Variants in TIMMDC1 observed in about 807,000 individuals in gnomAD.
TIMMDC1 encodes complex I assembly factor TIMMDC1, mitochondrial.
TIMMDC1 carries 25 observed loss-of-function variants against 32.6 expected under a neutral mutation model. The ratio of observed to expected loss-of-function variants is 0.77; its 90% confidence interval spans 0.56 to 1.07. The LOEUF is 1.07. TIMMDC1 is among the 50% of genes least tolerant of loss of function. TIMMDC1 has a pLI of 0.00. For synonymous variants in TIMMDC1, 130 were observed against 127.6 expected (o/e 1.02, Z -0.13); for missense variants, 329 against 349.2 (o/e 0.94, Z 0.46).
intron 6 of TIMMDC1, 63 bp downstream of exon 6, chr3:119,517,378 C>T (rs1410546277): frequency 9.5e-7 from 1 of 1,048,184 alleles, no homozygotes; most frequent in South Asian, 1.3e-5. Context: ...TATAGTGGTG[C>T]TCTTTTAAAC....
intron 4 of TIMMDC1, among the ~76,000 whole-genome samples, chr3:119,513,276 T>C (rs1365293755): frequency 1.3e-5 from 2 of 152,082 alleles, no homozygotes; most frequent in African/African-American, 4.8e-5. Flanking sequence ...AGGCATAAAC[T>C]GGAGGGGCTA....
chr3:119,506,643 C>T (rs971287853), intron 4 of TIMMDC1, among the ~76,000 whole-genome samples: 1 of 152,028 alleles, frequency 6.6e-6, no homozygotes, highest in South Asian at 2.1e-4. Context: ...TTTTTTCCCA[C>T]TGCTACTATC....
chr3:119,521,320 C>T (rs759520043), intron 6 of TIMMDC1, among the ~76,000 whole-genome samples: 2 of 152,024 alleles, frequency 1.3e-5, no homozygotes, highest in African/African-American at 4.8e-5. Context: ...TTTGGGAGGC[C>T]GAGGCAGGCG....
rs77894689 is a variant in TIMMDC1, at chr3:119,499,905, T to A, written c.195-790T>A. Among the ~76,000 whole-genome samples, 791 of 152,348 alleles carry A rather than the reference T, an allele frequency of 5.2e-3. 7 individuals are homozygous for A. Among genetic ancestry groups the A allele is most frequent in the African/African-American group, 0.018 (761 of 41,584 alleles). ...TTTTAGATTGGCATGTGCCACCCAC[T>A]GCATAGTGAACTTTCCCAGTGCGTT... On this transcript the variant is annotated intron_variant, in intron 1 of 6. Transcript: ENST00000494664.
At position 119,503,289 on chromosome 3, in the gene TIMMDC1, C is replaced by G. The variant is rs913313817; in HGVS notation, c.361-243C>G. 5.3e-5 allele frequency among the ~76,000 whole-genome samples: 8 copies of G among 152,316 alleles called. No individual in the cohort carries two copies. The East Asian group carries it at 1.3e-3, about 26-fold the overall frequency. ...TAAATCCAAGTATCAGATAAGGGAT[C>G]TGGTCTCAAGTATCAGATAAGGGAT... On this transcript the variant is annotated intron_variant, in intron 2 of 6. Coordinates refer to ENST00000494664, the MANE Select transcript of TIMMDC1 (RefSeq NM_016589.4).
rs185858824 is a variant in TIMMDC1, at chr3:119,512,096, A to T, written c.518-1545A>T. Among the ~76,000 whole-genome samples the T allele has an allele frequency of 7.9e-4, 121 of 152,264 alleles. 1 individual carries two copies. Among genetic ancestry groups the T allele is most frequent in the Admixed American group, 3.9e-3 (60 of 15,298 alleles). ...GTATAAAAAGATTATTTGTGGAGGGATTATCATCATACCTTTATTTAAAAT... is the reference window on the plus strand; with the variant it reads ...GTATAAAAAGATTATTTGTGGAGGGTTTATCATCATACCTTTATTTAAAAT... On this transcript the variant is annotated intron_variant, in intron 4 of 6. Transcript: ENST00000494664.
chr3:119,498,770 T>C lies in TIMMDC1; in HGVS notation c.37T>C (p.Cys13Arg), dbSNP rs1241108780. The C allele has an allele frequency of 6.2e-7, 1 of 1,614,254 alleles. No homozygotes were observed. Among genetic ancestry groups the C allele is most frequent in the Non-Finnish European group, 8.5e-7 (1 of 1,180,030 alleles). The change falls in exon 1 of 7, where the codon TGT becomes CGT. Residue 13 changes from cysteine (C) to arginine (R), a missense_variant. By Grantham distance (180) the Cys-to-Arg change is radical. Coordinates refer to ENST00000494664, the MANE Select transcript of TIMMDC1 (RefSeq NM_016589.4). ...GCCACCGGCACCGCGGAGCTTTCTC[T>C]GTAGAGCATTGTGCCTATTTCCCCG... ...VPPPAPRSFL[C>R]RALCLFPRVF...
chr3:119,513,596 T>C (rs1200119042), intron 4 of TIMMDC1, 45 bp from the exon 5 acceptor site: 3 of 1,423,192 alleles, frequency 2.1e-6, no homozygotes, highest in Admixed American at 3.4e-5. Context: ...AATAGGATTC[T>C]AGTTTTAAAG....
chr3:119,502,310 A>G (rs2081883232), intron 2 of TIMMDC1, among the ~76,000 whole-genome samples: 1 of 151,648 alleles, frequency 6.6e-6, no homozygotes, highest in South Asian at 2.1e-4. Context: ...GCTTGCTGCA[A>G]CCTCCATTTC....
chr3:119,510,865 T>C (rs551519714), intron 4 of TIMMDC1, among the ~76,000 whole-genome samples: 2 of 152,348 alleles, frequency 1.3e-5, no homozygotes, highest in East Asian at 3.9e-4. Flanking sequence ...CATATACAAG[T>C]TGACCTTTGG....
At chr3:119,499,348 C>T (rs2081851291) in intron 1 of TIMMDC1, among the ~76,000 whole-genome samples, 1 of 151,846 alleles carries the variant, frequency 6.6e-6, no homozygotes, top group South Asian at 2.1e-4. Flanking sequence ...GATCCGCCTA[C>T]CTCGGCCTCC....
chr3:119,502,478 C>T (rs545964570), intron 2 of TIMMDC1, among the ~76,000 whole-genome samples: 1 of 152,076 alleles, frequency 6.6e-6, no homozygotes, highest in East Asian at 1.9e-4. Context: ...AGTTCACCCC[C>T]TCCTTGGCCT....
Position 119,523,725 on chromosome 3 carries a change from CT to C in TIMMDC1, c.829del (p.Ser277GlnfsTer2), listed in dbSNP as rs1426880793. ...GCACTGCTAAACCTTCCTAGAAACCCTTCAGTAATAGATAAACAAGACAAGG... is the reference window on the plus strand; with the variant it reads ...GCACTGCTAAACCTTCCTAGAAACCCTCAGTAATAGATAAACAAGACAAGG... ...IEALLNLPRNPSVIDKQDKD is the reference protein window; with the variant it reads ...IEALLNLPRNXSVIDKQDKD On this transcript the variant is annotated frameshift_variant, in exon 7 of 7. Transcript: ENST00000494664. LOFTEE classifies it high-confidence loss of function. 4.3e-6 allele frequency: 7 copies of C among 1,611,098 alleles called. No individual in the cohort carries two copies. The highest frequency in any genetic ancestry group is 5.9e-6 in the Non-Finnish European group (7 of 1,178,922).
intron 6 of TIMMDC1, among the ~76,000 whole-genome samples, chr3:119,521,825 A>G (rs911007340): frequency 6.6e-6 from 1 of 152,184 alleles, no homozygotes; most frequent in South Asian, 2.1e-4. Flanking sequence ...CAAAACCACA[A>G]TGAAATGTGG....
At chr3:119,514,648 C>T (rs1000359751) in intron 5 of TIMMDC1, among the ~76,000 whole-genome samples, 6 of 152,096 alleles carry the variant, frequency 3.9e-5, no homozygotes, top group Non-Finnish European at 7.3e-5. Flanking sequence ...ATTCTGTCAC[C>T]CATTATAAGT....
chr3:119,511,670 A>C (rs2081954026), intron 4 of TIMMDC1, among the ~76,000 whole-genome samples: 1 of 152,188 alleles, frequency 6.6e-6, no homozygotes, highest in South Asian at 2.1e-4. Context: ...AAATGTAAAC[A>C]ATGCCAAAAT....
intron 6 of TIMMDC1, among the ~76,000 whole-genome samples, chr3:119,521,733 C>T (rs1235733510): frequency 6.6e-6 from 1 of 150,692 alleles, no homozygotes; most frequent in Non-Finnish European, 1.5e-5. Context: ...TGGGGGGAAA[C>T]TTGTATTTCT....
chr3:119,500,931 A>G (rs1238751762), intron 2 of TIMMDC1, 71 bp downstream of exon 2: 26 of 1,485,698 alleles, frequency 1.8e-5, no homozygotes, highest in Admixed American at 3.8e-5. Flanking sequence ...TAATCATTCA[A>G]TTAGGTTGTG....
intron 2 of TIMMDC1, among the ~76,000 whole-genome samples, chr3:119,501,405 T>G (rs1027451519): frequency 2.0e-5 from 3 of 152,228 alleles, no homozygotes; most frequent in Non-Finnish European, 4.4e-5. Flanking sequence ...TGTTAACATT[T>G]TACCATGTTT....
Sources: gnomAD v4.1 joint callset for allele counts (sites outside exome capture counted in the v4.1 genomes callset) on GRCh38, gnomAD v4.1.1 for gene constraint, MANE v1.5 for transcripts, NCBI Gene and HGNC (gene_info 2026-07-23, HGNC 2026-07-21) for gene names.